The following NCOA1 variants were observed in gnomAD, a reference collection of about 807,000 sequenced individuals.
NCOA1 encodes the protein nuclear receptor coactivator 1.
Under a neutral mutation model 150.9 loss-of-function variants are expected in NCOA1, and 35 were observed. The ratio of observed to expected loss-of-function variants is 0.23; its 90% CI spans 0.18 to 0.31. NCOA1 has a LOEUF of 0.31. Ranked by LOEUF, NCOA1 falls within the 10% of genes least tolerant of loss-of-function variation. The pLI, the probability that NCOA1 is intolerant of heterozygous loss-of-function variation, is 1.00. For missense variants in NCOA1, 1,491 were observed against 1,749.3 expected (o/e 0.85, Z 2.63); for synonymous variants, 590 against 630.0 (o/e 0.94, Z 0.95).
At chr2:24,665,691 C>T in intron 5 of NCOA1, 58 bp from the exon 6 acceptor site, 1 of 1,290,636 alleles carries the variant, frequency 7.7e-7, no homozygotes, top group Non-Finnish European at 1.0e-6. Context: ...GATACTTGAT[C>T]AGAGAAGGAA....
At chr2:24,591,258 A>G (rs942541732) in intron 3 of NCOA1, among the ~76,000 whole-genome samples, 4 of 152,218 alleles carry the variant, frequency 2.6e-5, no homozygotes, top group African/African-American at 9.6e-5. Context: ...TAGAACTCTT[A>G]AGTAAAACAT....
At chr2:24,602,186 T>C (rs1321020075) in intron 3 of NCOA1, among the ~76,000 whole-genome samples, 1 of 152,080 alleles carries the variant, frequency 6.6e-6, no homozygotes, top group African/African-American at 2.4e-5. Context: ...GTAATTGGAT[T>C]GTTAAGTAGT....
chr2:24,605,874 C>T (rs1274482351), intron 3 of NCOA1, among the ~76,000 whole-genome samples: 2 of 152,206 alleles, frequency 1.3e-5, no homozygotes, highest in Admixed American at 1.3e-4. Flanking sequence ...CATCTTTTGG[C>T]CAAGTTTTGT....
intron 3 of NCOA1, among the ~76,000 whole-genome samples, chr2:24,610,216 C>A (rs1435850958): frequency 1.4e-5 from 2 of 147,624 alleles, no homozygotes; most frequent in Admixed American, 1.4e-4. Flanking sequence ...CCTCCATCTT[C>A]CGGTTCAAGC....
chr2:24,729,459 C>G, intron 16 of NCOA1, 42 bp from the exon 17 acceptor site: 1 of 1,548,816 alleles, frequency 6.5e-7, no homozygotes, highest in Non-Finnish European at 8.8e-7. Flanking sequence ...TACTTATTGG[C>G]AGAAATTTAT....
At chr2:24,674,809 T>TC (rs749313630) in intron 7 of NCOA1, among the ~76,000 whole-genome samples, 6 of 152,176 alleles carry the variant, frequency 3.9e-5, no homozygotes, top group Non-Finnish European at 7.3e-5. Flanking sequence ...TGCCTGCTGG[T>TC]CAGAGTTCTG....
At chr2:24,729,904 A>G (rs1396032643) in intron 17 of NCOA1, 89 bp downstream of exon 17, 8 of 1,388,124 alleles carry the variant, frequency 5.8e-6, no homozygotes, top group East Asian at 4.6e-5. Context: ...AGTGTGCAGT[A>G]GTGCTATCTC....
rs181859988 is a variant in NCOA1 at position 24,552,491 on chromosome 2, G to A, written c.-395-11804G>A. The stretch of plus-strand genomic sequence containing the variant: ...AAGCAATTCTCCTGCCTCAGCTCCC[G>A]AGTAGCTGGGACTACAGGCATGTGC... On this transcript the variant is annotated intron_variant, in intron 1 of 22. Transcript: ENST00000348332. 1.4e-3 allele frequency among the ~76,000 whole-genome samples: 203 copies of A among 147,974 alleles called. 3 individuals are homozygous for A. In the East Asian group the frequency reaches 0.024, roughly 17 times the overall value.
rs1202381941 is a variant in NCOA1 at position 24,707,002 on chromosome 2, A to G, written c.1532A>G (p.Asn511Ser). ...PRMPNNSFPP[N>S]ISTLSSPVGM... ...ATGCCAAACAATTCCTTTCCTCCTA[A>G]TATTTCGACATTAAGCTCTCCCGTT... is the stretch of plus-strand genomic sequence containing the variant. The change falls in exon 13 of 23, where the codon AAT (asparagine) becomes AGT (serine). Residue 511 changes from asparagine (N) to serine (S), a missense_variant. Around this residue, in one of 8 missense-constraint regions of NCOA1, gnomAD observed 703 missense variants for 717.7 expected, o/e 0.98. Coordinates refer to ENST00000348332, the MANE Select transcript of NCOA1 (RefSeq NM_003743.5). 6.2e-7 allele frequency: 1 copy of G among 1,614,162 alleles called. No individual in the cohort carries two copies. Among genetic ancestry groups the G allele is most frequent in the East Asian group, 2.2e-5 (1 of 44,882 alleles).
chr2:24,547,412 C>G (rs767027466), intron 1 of NCOA1, among the ~76,000 whole-genome samples: 11 of 152,108 alleles, frequency 7.2e-5, no homozygotes, highest in Non-Finnish European at 1.5e-4. Context: ...AACATCTTTG[C>G]TTAGTAATTG....
intron 1 of NCOA1, among the ~76,000 whole-genome samples, chr2:24,559,496 GTTGT>G (rs1558793939): frequency 6.6e-6 from 1 of 152,284 alleles, no homozygotes; most frequent in East Asian, 1.9e-4. Flanking sequence ...GTGATAGCCT[GTTGT>G]TTGTTATTCA....
At chr2:24,572,859 C>T (rs974653347) in intron 2 of NCOA1, among the ~76,000 whole-genome samples, 1 of 152,128 alleles carries the variant, frequency 6.6e-6, no homozygotes, top group Non-Finnish European at 1.5e-5. Context: ...TCACCAATTA[C>T]TTGACTGTGT....
At chr2:24,727,121 A>G (rs901317621) in intron 15 of NCOA1, among the ~76,000 whole-genome samples, 9 of 147,344 alleles carry the variant, frequency 6.1e-5, no homozygotes, top group African/African-American at 2.3e-4. Flanking sequence ...CTGGGCAACA[A>G]GAGTGAAACT....
At chr2:24,529,147 A>T (rs1222583825) in intron 1 of NCOA1, among the ~76,000 whole-genome samples, 1 of 152,160 alleles carries the variant, frequency 6.6e-6, no homozygotes, top group Non-Finnish European at 1.5e-5. Context: ...CGGCCTCCCA[A>T]AGTGTTGGGA....
rs1245635457 is a variant in NCOA1, at chr2:24,768,783, C to G, written c.*392C>G. ...TCCGCCTCCGCCGCTTAGTCCCAACCCTGCCCAGGAAGAAGGGCCCGTGGG... is the reference window on the plus strand; with the variant it reads ...TCCGCCTCCGCCGCTTAGTCCCAACGCTGCCCAGGAAGAAGGGCCCGTGGG... On this transcript the variant is annotated 3_prime_UTR_variant, in exon 23 of 23. Coordinates refer to ENST00000348332, the MANE Select transcript of NCOA1 (RefSeq NM_003743.5). 1 of 226,958 alleles carries G rather than the reference C, an allele frequency of 4.4e-6. No homozygotes were observed. Among genetic ancestry groups the G allele is most frequent in the African/African-American group, 2.2e-5 (1 of 44,822 alleles). The allele number at this position is 226,958 out of a possible 1,614,324, so 14.1% of individuals were successfully genotyped here. A position where few individuals can be genotyped will look rare whatever the true frequency, so the allele number is the denominator to read the frequency against.
At chr2:24,515,531 C>G (rs557819162) in intron 1 of NCOA1, among the ~76,000 whole-genome samples, 1 of 152,186 alleles carries the variant, frequency 6.6e-6, no homozygotes, top group African/African-American at 2.4e-5. Flanking sequence ...AGTCACTGTG[C>G]CCGGCCTTTG....
intron 1 of NCOA1, among the ~76,000 whole-genome samples, chr2:24,495,936 C>T (rs746655926): frequency 1.3e-5 from 2 of 152,164 alleles, no homozygotes; most frequent in Non-Finnish European, 2.9e-5. Context: ...ATTTCATTAG[C>T]GAATTCATCA....
chr2:24,741,483 T>C (rs1426624384), intron 18 of NCOA1, among the ~76,000 whole-genome samples: 1 of 152,186 alleles, frequency 6.6e-6, no homozygotes, highest in Non-Finnish European at 1.5e-5. Context: ...ATACATACTT[T>C]CTTTGAATTT....
At chr2:24,553,002 C>G (rs1245885433) in intron 1 of NCOA1, among the ~76,000 whole-genome samples, 1 of 152,140 alleles carries the variant, frequency 6.6e-6, no homozygotes, top group African/African-American at 2.4e-5. Flanking sequence ...CATCACTGTA[C>G]TGACAGTGTA....
Sources: allele counts gnomAD v4.1 joint callset (sites outside exome capture counted in the v4.1 genomes callset), GRCh38; gene constraint gnomAD v4.1.1; regional missense constraint gnomAD v4.1.1; transcripts MANE v1.5; gene names NCBI Gene and HGNC (gene_info 2026-07-23, HGNC 2026-07-21).